The following TBC1D22A variants were observed in gnomAD, a reference collection of about 807,000 sequenced individuals.
The protein encoded by TBC1D22A is putative GTPase activator.
In TBC1D22A, 38 loss-of-function variants were observed where a neutral mutation model predicts 60.2. The observed-to-expected ratio is 0.63, with a 90% confidence interval of 0.49 to 0.83. The LOEUF is 0.83. TBC1D22A is among the 40% of genes least tolerant of loss of function. The pLI is 0.00. For missense variants in TBC1D22A, 628 were observed against 701.0 expected, an observed-to-expected ratio of 0.90 and a Z score of 1.18; for synonymous variants, 302 against 281.7, an observed-to-expected ratio of 1.07 and a Z score of -0.72.
Position 47,173,600 on chromosome 22 carries a change from G to A in TBC1D22A, c.1528G>A (p.Asp510Asn), listed in dbSNP as rs773437557. The change falls in exon 13 of 13, where the codon GAC (aspartate) becomes AAC (asparagine). Residue 510 changes from aspartate to asparagine, a missense_variant. Physicochemically the swap from Asp to Asn is conservative, Grantham distance 23. Coordinates refer to ENST00000337137, the MANE Select transcript of TBC1D22A (RefSeq NM_014346.5). ...CTACCGCCTCAAGTTTGCTTTTGCC[G>A]ACGCCCCCAATCACTACAAGAAATG... ...EAYRLKFAFA[D>N]APNHYKK is the part of the protein sequence containing the mutation. The A allele has an allele frequency of 8.7e-6, 14 of 1,613,878 alleles. No homozygotes were observed. The African/African-American group carries it at 1.1e-4, about 12-fold the overall frequency.
At chr22:47,157,554 A>G (rs906705802) in intron 12 of TBC1D22A, among the ~76,000 whole-genome samples, 2 of 152,180 alleles carry the variant, frequency 1.3e-5, no homozygotes, top group Non-Finnish European at 2.9e-5. Context: ...CTGGCCTCGC[A>G]GGACGGCGGG....
intron 7 of TBC1D22A, among the ~76,000 whole-genome samples, chr22:46,895,188 A>G (rs745859750): frequency 6.6e-6 from 1 of 152,090 alleles, no homozygotes; most frequent in Non-Finnish European, 1.5e-5. Flanking sequence ...CAGAGCACCA[A>G]GGCCGCTTGT....
chr22:47,155,277 CG>C (rs1281967531), intron 12 of TBC1D22A, among the ~76,000 whole-genome samples: 6 of 152,140 alleles, frequency 3.9e-5, no homozygotes, highest in Non-Finnish European at 5.9e-5. Context: ...AGAGACTCCT[CG>C]GAAGGCGGAT....
At chr22:47,022,277 G>A (rs2062115710) in intron 10 of TBC1D22A, among the ~76,000 whole-genome samples, 1 of 152,212 alleles carries the variant, frequency 6.6e-6, no homozygotes, top group African/African-American at 2.4e-5. Context: ...AAAAAAATAT[G>A]TGAAACAATG....
At chr22:46,996,990 C>T (rs2075142451) in intron 9 of TBC1D22A, among the ~76,000 whole-genome samples, 1 of 152,238 alleles carries the variant, frequency 6.6e-6, no homozygotes, top group Non-Finnish European at 1.5e-5. Flanking sequence ...CACACAGCTC[C>T]TGAGTCCTAG....
At chr22:46,959,461 A>G (rs1446769248) in intron 8 of TBC1D22A, among the ~76,000 whole-genome samples, 1 of 152,100 alleles carries the variant, frequency 6.6e-6, no homozygotes, top group Non-Finnish European at 1.5e-5. Context: ...CCTCCCTATG[A>G]GCCTTGGCCC....
At chr22:46,964,380 G>A (rs2148073332) in intron 8 of TBC1D22A, among the ~76,000 whole-genome samples, 1 of 152,302 alleles carries the variant, frequency 6.6e-6, no homozygotes, top group African/African-American at 2.4e-5. Flanking sequence ...TGCAGAGCAT[G>A]CGGCCTCTGC....
intron 9 of TBC1D22A, among the ~76,000 whole-genome samples, chr22:46,982,896 T>A (rs6008012): frequency 0.01 from 1,563 of 152,180 alleles, 28 homozygotes; most frequent in African/African-American, 0.036. Flanking sequence ...CCTGCCTCAT[T>A]AGGGCTGCTT....
At chr22:47,129,725 A>C (rs994615956) in intron 12 of TBC1D22A, among the ~76,000 whole-genome samples, 1 of 152,126 alleles carries the variant, frequency 6.6e-6, no homozygotes, top group Non-Finnish European at 1.5e-5. Context: ...AAAAACAAAA[A>C]TTTTTATTTA....
chr22:46,777,624 C>T lies in TBC1D22A; in HGVS notation c.62+14776C>T, dbSNP rs1385530489. Among the ~76,000 whole-genome samples, 1 of 152,012 alleles carries T rather than the reference C, an allele frequency of 6.6e-6. No individual in the cohort carries two copies. ...AACACACAGAAGAGTCTGGGGCATG[C>T]AGAGAGGCTGGCAGGAGGCAGAGGA... On this transcript the variant is annotated intron_variant, in intron 1 of 12. Coordinates refer to ENST00000337137, the MANE Select transcript of TBC1D22A (RefSeq NM_014346.5). The surrounding 1 kb of genome is among the most constrained non-coding windows in gnomAD (Gnocchi z 4.5).
chr22:46,767,571 G>T lies in TBC1D22A; in HGVS notation c.62+4723G>T, dbSNP rs373367563. ...GAGCTTACAGTGCAGTGGGAGAGCCGGGTATAAATAACATAGCTCAGTTAA... is the reference window on the plus strand; with the variant it reads ...GAGCTTACAGTGCAGTGGGAGAGCCTGGTATAAATAACATAGCTCAGTTAA... On this transcript the variant is annotated intron_variant, in intron 1 of 12. Transcript: ENST00000337137. Among the ~76,000 whole-genome samples the T allele has an allele frequency of 2.0e-4, 31 of 152,284 alleles. 1 individual carries two copies. In the South Asian group the frequency reaches 5.8e-3, roughly 29 times the overall value.
At chr22:46,767,442 TG>T (rs2083325971) in intron 1 of TBC1D22A, among the ~76,000 whole-genome samples, 1 of 152,192 alleles carries the variant, frequency 6.6e-6, no homozygotes, top group South Asian at 2.1e-4. Flanking sequence ...GATGATTTGC[TG>T]ATCCAGCAAA....
chr22:47,010,064 T>C (rs749382496), intron 10 of TBC1D22A, among the ~76,000 whole-genome samples: 1 of 152,236 alleles, frequency 6.6e-6, no homozygotes, highest in Non-Finnish European at 1.5e-5. Flanking sequence ...GGGAAACGGC[T>C]TTATGTACCT....
chr22:46,879,866 T>C (rs1331727972), intron 5 of TBC1D22A, among the ~76,000 whole-genome samples: 3 of 31,130 alleles, frequency 9.6e-5, no homozygotes, highest in Admixed American at 5.3e-4. Context: ...TCTCAGCCTC[T>C]GCGGGTTGTG....
chr22:46,920,057 TTGTATGTA>T (rs60952648), intron 8 of TBC1D22A, among the ~76,000 whole-genome samples: 2 of 59,158 alleles, frequency 3.4e-5, no homozygotes, highest in Non-Finnish European at 4.8e-5. Context: ...ATGTGTTTGT[TTGTATGTA>T]TGTATGTATG....
At chr22:47,092,565 G>A (rs998515010) in intron 11 of TBC1D22A, among the ~76,000 whole-genome samples, 4 of 152,172 alleles carry the variant, frequency 2.6e-5, no homozygotes, top group African/African-American at 9.7e-5. Flanking sequence ...GGGTGAGCCC[G>A]TGTGTATGTC....
At position 46,874,562 on chromosome 22, in the gene TBC1D22A, CTTTTTTTTTTTTTTTTTT is replaced by C. The variant is rs747481407; in HGVS notation, c.638-4078_638-4061del. ...TATGTTTGTTTGGCTACAGGTATGT[CTTTTTTTTTTTTTTTTTT>C]TTTTTTTTTTTTGAGACAAAGTCTT... On this transcript the variant is annotated intron_variant, in intron 4 of 12. Coordinates refer to ENST00000337137, the MANE Select transcript of TBC1D22A (RefSeq NM_014346.5). Among the ~76,000 whole-genome samples, 38 of 40,786 alleles carry C rather than the reference CTTTTTTTTTTTTTTTTTT, an allele frequency of 9.3e-4. 2 individuals carry two copies. The highest frequency in any genetic ancestry group is 4.0e-3 in the African/African-American group (38 of 9,564). The allele number at this position is 40,786 out of a possible 152,430, so 26.8% of individuals were successfully genotyped here.
At chr22:46,979,499 G>A (rs147299622) in intron 9 of TBC1D22A, among the ~76,000 whole-genome samples, 1 of 152,346 alleles carries the variant, frequency 6.6e-6, no homozygotes. Context: ...AGCGCACCAA[G>A]TGCTCTCCTT....
At chr22:46,783,424 G>A (rs1233622798) in intron 1 of TBC1D22A, among the ~76,000 whole-genome samples, 3 of 152,156 alleles carry the variant, frequency 2.0e-5, no homozygotes, top group Non-Finnish European at 4.4e-5. Context: ...CATTCAGAAG[G>A]GGCACACAGG....
Sources: allele counts gnomAD v4.1 joint callset (sites outside exome capture counted in the v4.1 genomes callset), GRCh38; gene constraint gnomAD v4.1.1; non-coding constraint Gnocchi (gnomAD v3.1); transcripts MANE v1.5; gene names NCBI Gene and HGNC (gene_info 2026-07-23, HGNC 2026-07-21).